SLC1A3: variants seen among roughly 807,000 people sequenced by gnomAD.
SLC1A3 encodes excitatory amino acid transporter 1.
In SLC1A3, 21 loss-of-function variants were observed where a neutral mutation model predicts 48.1. The ratio of observed to expected loss-of-function variants is 0.44; its 90% CI spans 0.31 to 0.63. The LOEUF is 0.63. Ranked by LOEUF, SLC1A3 falls within the 20% of genes least tolerant of loss-of-function variation. SLC1A3 has a pLI of 0.08. For missense variants in SLC1A3, 546 were observed against 689.0 expected (o/e 0.79, Z 2.32); for synonymous variants, 239 against 251.4 (o/e 0.95, Z 0.47).
At chr5:36,686,016 T>C (rs976367436) in intron 9 of SLC1A3, 49 bp from the exon 10 acceptor site, 3 of 1,498,120 alleles carry the variant, frequency 2.0e-6, no homozygotes, top group Non-Finnish European at 2.8e-6. Context: ...TGAAAACTTG[T>C]GATGCTCACG....
At chr5:36,667,258 T>G (rs1415742606) in intron 3 of SLC1A3, among the ~76,000 whole-genome samples, 1 of 152,220 alleles carries the variant, frequency 6.6e-6, no homozygotes, top group Non-Finnish European at 1.5e-5. Context: ...AGCTAGTCCT[T>G]CTGGTGACCA....
At position 36,679,840 on chromosome 5, in the gene SLC1A3, C is replaced by A; in HGVS notation, c.1074C>A (p.Thr358=). The A allele has an allele frequency of 6.2e-7, 1 of 1,613,370 alleles. No individual in the cohort carries two copies. Among genetic ancestry groups the A allele is most frequent in the Non-Finnish European group, 8.5e-7 (1 of 1,179,318 alleles). The change falls in exon 7 of 10, where the codon ACC becomes ACA. Residue 358 remains threonine (T), a synonymous_variant. Coordinates refer to ENST00000265113, the MANE Select transcript of SLC1A3 (RefSeq NM_004172.5). ...GAGGGTTGCTGCAAGCACTCATCAC[C>A]GCTCTGGGGACCTCTTCAAGGTATG... ...FIGGLLQALI[T]ALGTSSSSAT... is the part of the protein sequence containing the mutation.
rs1361196022 is a variant in SLC1A3 at position 36,686,946 on chromosome 5, T to G, written c.*677T>G. On this transcript the variant is annotated 3_prime_UTR_variant, in exon 10 of 10. Transcript: ENST00000265113. ...CCAGCCCAGACATCCTGTGATGTCA[T>G]GAAAGCACCTGCCCTCTGTTTCCCC... 2 of 155,504 alleles carry G rather than the reference T, an allele frequency of 1.3e-5. No individual in the cohort carries two copies. The highest frequency in any genetic ancestry group is 4.8e-5 in the African/African-American group (2 of 41,486). 9.6% of individuals were successfully genotyped at this position (155,504 alleles called of 1,614,324 possible).
intron 2 of SLC1A3, among the ~76,000 whole-genome samples, chr5:36,620,712 T>C (rs987938945): frequency 6.6e-6 from 1 of 151,954 alleles, no homozygotes; most frequent in African/African-American, 2.4e-5. Context: ...AACAAAACTG[T>C]CCAAAAAAAC....
upstream of SLC1A3, among the ~76,000 whole-genome samples, chr5:36,605,625 T>G (rs1004056542): frequency 2.0e-5 from 3 of 152,242 alleles, no homozygotes; most frequent in African/African-American, 7.2e-5. Flanking sequence ...AACCTCAGGC[T>G]GTGATTCTGG....
chr5:36,612,931 A>G (rs2111679155), intron 2 of SLC1A3: 1 of 437,654 alleles, frequency 2.3e-6, no homozygotes, highest in East Asian at 7.5e-5. Flanking sequence ...GATGGAAAAG[A>G]GAGGTCGAAC....
In SLC1A3 at chr5:36,615,852, A is replaced by G. The variant is rs116714657; in HGVS notation, c.181+7248A>G. On this transcript the variant is annotated intron_variant, in intron 2 of 9. Coordinates refer to ENST00000265113, the MANE Select transcript of SLC1A3 (RefSeq NM_004172.5). ...TCATTGCTGGGAGCTGAGAAAACAC[A>G]CAGAGCACTTCAGTGCACAGAGTTT... Among the ~76,000 whole-genome samples the G allele has an allele frequency of 1.8e-3, 280 of 152,332 alleles. 4 individuals carry two copies. Among genetic ancestry groups the G allele is most frequent in the African/African-American group, 6.7e-3 (277 of 41,582 alleles).
chr5:36,603,399 G>A (rs1012415077), upstream of SLC1A3, among the ~76,000 whole-genome samples: 12 of 152,202 alleles, frequency 7.9e-5, no homozygotes, highest in Non-Finnish European at 1.5e-4. Context: ...ATTACGATGC[G>A]TTTATGGACT....
At chr5:36,658,414 GT>G (rs1050947834) in intron 3 of SLC1A3, among the ~76,000 whole-genome samples, 1 of 152,158 alleles carries the variant, frequency 6.6e-6, no homozygotes, top group Admixed American at 6.5e-5. Flanking sequence ...GGCATTACAG[GT>G]TGGTGAGCAT....
intron 3 of SLC1A3, among the ~76,000 whole-genome samples, chr5:36,654,992 G>A (rs887494400): frequency 6.6e-6 from 1 of 152,220 alleles, no homozygotes; most frequent in Non-Finnish European, 1.5e-5. Flanking sequence ...ACCAGTTGCA[G>A]CATTGACTAG....
At chr5:36,659,733 T>G (rs548495164) in intron 3 of SLC1A3, among the ~76,000 whole-genome samples, 2 of 152,372 alleles carry the variant, frequency 1.3e-5, no homozygotes, top group East Asian at 3.9e-4. Context: ...CACAATATTT[T>G]TTTAAGTCCT....
chr5:36,668,361 G>C (rs1017870071), intron 3 of SLC1A3: 8 of 152,204 alleles, frequency 5.3e-5, no homozygotes, highest in African/African-American at 1.7e-4. Flanking sequence ...CCAGTATTAA[G>C]GCCATTGTGT....
chr5:36,673,221 G>A lies in SLC1A3; in HGVS notation c.525-828G>A, dbSNP rs139595303. The stretch of plus-strand genomic sequence containing the variant: ...AATACTAAAATATAACTTTGATAAC[G>A]TGCAACTGCTGGATTCTTGAGCCTG... On this transcript the variant is annotated intron_variant, in intron 4 of 9. Coordinates refer to ENST00000265113, the MANE Select transcript of SLC1A3 (RefSeq NM_004172.5). 4.8e-3 allele frequency among the ~76,000 whole-genome samples: 727 copies of A among 152,270 alleles called. 9 individuals carry two copies. The highest frequency in any genetic ancestry group is 0.015 in the South Asian group (72 of 4,830).
At chr5:36,635,145 C>T (rs1033740276) in intron 3 of SLC1A3, among the ~76,000 whole-genome samples, 2 of 151,812 alleles carry the variant, frequency 1.3e-5, no homozygotes, top group Admixed American at 1.3e-4. Context: ...CCACCTGCCC[C>T]CCTCAACACC....
intron 9 of SLC1A3, among the ~76,000 whole-genome samples, chr5:36,684,276 T>G (rs1742557616): frequency 6.6e-6 from 1 of 152,244 alleles, no homozygotes; most frequent in Non-Finnish European, 1.5e-5. Flanking sequence ...ACCCGCTGTC[T>G]GCAAAGGCAA....
At chr5:36,677,699 T>C (rs1280263266) in intron 6 of SLC1A3, among the ~76,000 whole-genome samples, 2 of 152,224 alleles carry the variant, frequency 1.3e-5, no homozygotes, top group Admixed American at 6.5e-5. Flanking sequence ...TTGCCTTGGA[T>C]GGTGCAGAAA....
At chr5:36,640,980 C>T (rs1332825423) in intron 3 of SLC1A3, among the ~76,000 whole-genome samples, 1 of 151,960 alleles carries the variant, frequency 6.6e-6, no homozygotes, top group African/African-American at 2.4e-5. Context: ...TGCCCCAACA[C>T]ACACACACAT....
chr5:36,637,156 C>T (rs1373209251), intron 3 of SLC1A3, among the ~76,000 whole-genome samples: 2 of 152,170 alleles, frequency 1.3e-5, no homozygotes, highest in Non-Finnish European at 2.9e-5. Context: ...CAGAGCTGAT[C>T]CTGGTGCTCC....
At chr5:36,608,625 C>A (rs770367819) in intron 2 of SLC1A3, 21 bp downstream of exon 2, 5 of 1,609,136 alleles carry the variant, frequency 3.1e-6, no homozygotes, top group South Asian at 2.2e-5. Context: ...TGATTAAAAA[C>A]AAAAAAACCT....
Sources: allele counts gnomAD v4.1 joint callset (sites outside exome capture counted in the v4.1 genomes callset), GRCh38; gene constraint gnomAD v4.1.1; transcripts MANE v1.5; gene names NCBI Gene and HGNC (gene_info 2026-07-23, HGNC 2026-07-21).